Variants in SLC25A13 observed in about 807,000 individuals in gnomAD.
The protein encoded by SLC25A13 is electrogenic aspartate/glutamate antiporter SLC25A13, mitochondrial.
Under a neutral mutation model 85.5 loss-of-function variants are expected in SLC25A13, and 70 were observed. That is an observed-to-expected ratio of 0.82 (90% CI 0.68 to 1.00). SLC25A13 has a LOEUF of 1.00. SLC25A13 is among the 50% of genes least tolerant of loss of function. The pLI, the probability that SLC25A13 is intolerant of heterozygous loss-of-function variation, is 0.00. For synonymous variants in SLC25A13, 259 were observed against 288.7 expected (o/e 0.90, Z 1.04); for missense variants, 765 against 819.8 (o/e 0.93, Z 0.82).
At chr7:96,172,918 C>T (rs1219711110) in intron 11 of SLC25A13, among the ~76,000 whole-genome samples, 1 of 152,110 alleles carries the variant, frequency 6.6e-6, no homozygotes, top group Non-Finnish European at 1.5e-5. Flanking sequence ...GCCACCACGC[C>T]CGGCTAATTT....
intron 13 of SLC25A13, among the ~76,000 whole-genome samples, chr7:96,149,476 CAG>C (rs1410514315): frequency 6.6e-6 from 1 of 152,154 alleles, no homozygotes; most frequent in African/African-American, 2.4e-5. Context: ...TCTTTTAAAG[CAG>C]AGTTAGTTAT....
At chr7:96,288,026 C>T (rs1455969980) in intron 2 of SLC25A13, among the ~76,000 whole-genome samples, 1 of 152,212 alleles carries the variant, frequency 6.6e-6, no homozygotes, top group Non-Finnish European at 1.5e-5. Context: ...TCATTCCAAC[C>T]ATGGTGGTCC....
At chr7:96,192,100 A>G (rs139240328) in intron 6 of SLC25A13, among the ~76,000 whole-genome samples, 4 of 152,262 alleles carry the variant, frequency 2.6e-5, no homozygotes, top group African/African-American at 9.6e-5. Context: ...GCGCCCAAGA[A>G]AAGGAGTTAG....
intron 13 of SLC25A13, among the ~76,000 whole-genome samples, chr7:96,156,761 G>A (rs151067727): frequency 0.015 from 2,217 of 152,034 alleles, 53 homozygotes; most frequent in African/African-American, 0.051. Context: ...TGGCCAGGCT[G>A]GTTTCAAATT....
At chr7:96,307,152 T>G (rs763311449) in intron 1 of SLC25A13, among the ~76,000 whole-genome samples, 1 of 142,806 alleles carries the variant, frequency 7.0e-6, no homozygotes, top group African/African-American at 2.6e-5. Context: ...AAAAAAAAAA[T>G]AAAGAAAATT....
At chr7:96,222,334 G>GGCAC (rs1796164968) in intron 4 of SLC25A13, among the ~76,000 whole-genome samples, 1 of 152,236 alleles carries the variant, frequency 6.6e-6, no homozygotes, top group Admixed American at 6.5e-5. Context: ...GCCTCCCAGT[G>GGCAC]TGGCACAGGG....
intron 15 of SLC25A13, among the ~76,000 whole-genome samples, chr7:96,128,726 C>T (rs1791839196): frequency 6.7e-6 from 1 of 149,426 alleles, no homozygotes; most frequent in South Asian, 2.1e-4. Flanking sequence ...CCTGCGCATT[C>T]TGCACATGTA....
chr7:96,289,287 T>C (rs1799018094), intron 2 of SLC25A13, among the ~76,000 whole-genome samples: 2 of 152,016 alleles, frequency 1.3e-5, no homozygotes, highest in African/African-American at 4.8e-5. Flanking sequence ...CAAAGGTAGA[T>C]AAAACCACAA....
intron 5 of SLC25A13, among the ~76,000 whole-genome samples, chr7:96,198,540 A>G (rs1025223900): frequency 1.4e-4 from 22 of 152,216 alleles, no homozygotes; most frequent in Non-Finnish European, 2.4e-4. Context: ...TGAAGTAATG[A>G]TTATTATCTT....
At chr7:96,236,623 C>T (rs1272041650) in intron 3 of SLC25A13, among the ~76,000 whole-genome samples, 2 of 152,134 alleles carry the variant, frequency 1.3e-5, no homozygotes, top group African/African-American at 4.8e-5. Flanking sequence ...GAAACGGAAA[C>T]TGGAAAAAGT....
chr7:96,289,376 T>C (rs1027779792), intron 2 of SLC25A13, among the ~76,000 whole-genome samples: 3 of 152,100 alleles, frequency 2.0e-5, no homozygotes, highest in African/African-American at 7.2e-5. Context: ...GGAACGCAGC[T>C]CCTCACCGGC....
chr7:96,155,216 G>A (rs1049046316), intron 13 of SLC25A13, among the ~76,000 whole-genome samples: 5 of 152,150 alleles, frequency 3.3e-5, no homozygotes, highest in Non-Finnish European at 7.3e-5. Context: ...GTACACTTGC[G>A]GAGGGAGGCC....
intron 11 of SLC25A13, among the ~76,000 whole-genome samples, chr7:96,173,925 A>C (rs905496787): frequency 7.5e-4 from 114 of 152,330 alleles, no homozygotes; most frequent in African/African-American, 2.6e-3. Flanking sequence ...ACAAGTTAGC[A>C]CAGAAGCAAC....
chr7:96,157,476 C>A (rs1793327871), intron 13 of SLC25A13, among the ~76,000 whole-genome samples: 1 of 152,144 alleles, frequency 6.6e-6, no homozygotes, highest in Non-Finnish European at 1.5e-5. Flanking sequence ...TGGTTTGGCA[C>A]AGGGAAGTGA....
At position 96,193,036 on chromosome 7, in the gene SLC25A13, C is replaced by G. The variant is rs80338718; in HGVS notation, c.615+1G>C. 2.5e-6 allele frequency: 4 copies of G among 1,613,946 alleles called. No homozygotes were observed. In the East Asian group the frequency reaches 8.9e-5, roughly 36 times the overall value. ...CTTCATTAGGGCAAGTTACAACTTA[C>G]AGCTACTAGACATTCTTCTACAAAA... On this transcript the variant is annotated splice_donor_variant, in intron 6 of 17. Transcript: ENST00000265631. LOFTEE classifies it high-confidence loss of function.
intron 3 of SLC25A13, among the ~76,000 whole-genome samples, chr7:96,261,121 A>T (rs1275692868): frequency 1.3e-5 from 2 of 152,054 alleles, no homozygotes; most frequent in African/African-American, 4.8e-5. Context: ...AGAAGGCTCA[A>T]TCCCTAGGGT....
At chr7:96,218,252 A>G (rs1339795558) in intron 4 of SLC25A13, among the ~76,000 whole-genome samples, 2 of 152,168 alleles carry the variant, frequency 1.3e-5, no homozygotes, top group African/African-American at 4.8e-5. Context: ...TTTAAAATCC[A>G]TCCTTTCTTG....
chr7:96,220,375 T>C (rs900591305), intron 4 of SLC25A13, among the ~76,000 whole-genome samples: 1 of 152,210 alleles, frequency 6.6e-6, no homozygotes, highest in Non-Finnish European at 1.5e-5. Context: ...AGTATAAAAC[T>C]GTTTTATTTC....
intron 2 of SLC25A13, among the ~76,000 whole-genome samples, chr7:96,291,807 G>C (rs975718557): frequency 6.6e-6 from 1 of 152,098 alleles, no homozygotes; most frequent in Non-Finnish European, 1.5e-5. Context: ...ACCAAAAAAA[G>C]TCCAGGACCA....
Sources: gnomAD v4.1 joint callset for allele counts (sites outside exome capture counted in the v4.1 genomes callset) on GRCh38, gnomAD v4.1.1 for gene constraint, MANE v1.5 for transcripts, NCBI Gene and HGNC (gene_info 2026-07-23, HGNC 2026-07-21) for gene names.